The following DPY19L2 variants were observed in gnomAD, a reference collection of about 807,000 sequenced individuals.
DPY19L2 encodes the protein dpy-19 like 2.
In DPY19L2, 34 loss-of-function variants were observed where a neutral mutation model predicts 97.9. The ratio of observed to expected loss-of-function variants is 0.35; its 90% CI spans 0.26 to 0.46. The LOEUF (loss-of-function observed/expected upper bound fraction) is 0.46. Among genes scored for constraint, DPY19L2 ranks in the 20% least tolerant of loss-of-function variants. DPY19L2 has a pLI of 1.00. For synonymous variants in DPY19L2, 230 were observed against 307.9 expected (o/e 0.75, Z 2.65); for missense variants, 623 against 911.4 (o/e 0.68, Z 4.07).
At chr12:63,656,549 T>C (rs1422881408) in intron 4 of DPY19L2, among the ~76,000 whole-genome samples, 2 of 152,222 alleles carry the variant, frequency 1.3e-5, no homozygotes, top group African/African-American at 2.4e-5. Flanking sequence ...TTTATCCTTT[T>C]TGATGTTCTC....
intron 11 of DPY19L2, among the ~76,000 whole-genome samples, chr12:63,613,649 A>G (rs1256768854): frequency 2.0e-5 from 3 of 152,126 alleles, no homozygotes; most frequent in African/African-American, 2.4e-5. Flanking sequence ...GCTGACAGAA[A>G]TCAAATAATT....
chr12:63,647,647 T>G (rs1375027332), intron 4 of DPY19L2, among the ~76,000 whole-genome samples: 2 of 152,146 alleles, frequency 1.3e-5, no homozygotes, highest in East Asian at 3.8e-4. Context: ...TGAGCTGATT[T>G]AAAAGTTATT....
At chr12:63,575,037 T>TCAAGGATAGACCACAAAA (rs1413632774) in intron 19 of DPY19L2, among the ~76,000 whole-genome samples, 1 of 151,912 alleles carries the variant, frequency 6.6e-6, no homozygotes, top group African/African-American at 2.4e-5. Context: ...GGATCATTCC[T>TCAAGGATAGACCACAAAA]CAAGGATAGA....
At chr12:63,597,763 G>A (rs775006841) in intron 14 of DPY19L2, 46 bp downstream of exon 14, 19 of 1,537,530 alleles carry the variant, frequency 1.2e-5, no homozygotes, top group Admixed American at 1.9e-5. Flanking sequence ...AAAACCTAGA[G>A]CAAAAAACTC....
chr12:63,562,429 T>C (rs1876741659), intron 21 of DPY19L2, among the ~76,000 whole-genome samples: 1 of 145,676 alleles, frequency 6.9e-6, no homozygotes, highest in African/African-American at 2.8e-5. Flanking sequence ...CATCTGCTGA[T>C]AAATAAGTGG....
At chr12:63,614,148 C>T (rs1351116840) in intron 11 of DPY19L2, among the ~76,000 whole-genome samples, 1 of 148,290 alleles carries the variant, frequency 6.7e-6, no homozygotes, top group Non-Finnish European at 1.5e-5. Context: ...CAAGACTGCA[C>T]CATTGCACTC....
rs1250136338 is a variant in DPY19L2, at chr12:63,582,535, A to G, written c.1606-10T>C. 1 of 1,602,034 alleles carries G rather than the reference A, an allele frequency of 6.2e-7. No individual in the cohort carries two copies. The highest frequency in any genetic ancestry group is 8.5e-7 in the Non-Finnish European group (1 of 1,176,256). On this transcript the variant is annotated splice_polypyrimidine_tract_variant and intron_variant, in intron 17 of 21. Transcript: ENST00000324472. ...ATGTGTGAAAAGCCAGCTATAAAACACAAATAAGACAAAATCACATTTTTA... is the reference window on the plus strand; with the variant it reads ...ATGTGTGAAAAGCCAGCTATAAAACGCAAATAAGACAAAATCACATTTTTA...
At chr12:63,580,538 C>T in intron 19 of DPY19L2, 124 bp downstream of exon 19, 3 of 1,009,712 alleles carry the variant, frequency 3.0e-6, no homozygotes, top group Non-Finnish European at 4.1e-6. Context: ...GTATGAATGC[C>T]TATTTGTAAA....
intron 6 of DPY19L2, among the ~76,000 whole-genome samples, chr12:63,635,963 A>G (rs1376674465): frequency 1.3e-5 from 2 of 152,148 alleles, no homozygotes; most frequent in African/African-American, 2.4e-5. Flanking sequence ...AGCAACCCCA[A>G]GACACATAAT....
At chr12:63,573,174 C>T (rs1286368523) in intron 19 of DPY19L2, among the ~76,000 whole-genome samples, 2 of 151,898 alleles carry the variant, frequency 1.3e-5, no homozygotes, top group Non-Finnish European at 2.9e-5. Flanking sequence ...TCAAAATAGC[C>T]GTGCTGAGGA....
Position 63,606,065 on chromosome 12 carries a change from T to A in DPY19L2, c.1278+2551A>T, listed in dbSNP as rs1403741037. 1.1e-4 allele frequency among the ~76,000 whole-genome samples: 16 copies of A among 152,252 alleles called. No homozygotes were observed. In the South Asian group the frequency reaches 3.1e-3, roughly 30 times the overall value. On this transcript the variant is annotated intron_variant, in intron 12 of 21. Transcript: ENST00000324472. Reference sequence around the variant, plus strand: ...TCTTCCTAATACATAAGGCATATTTTAAAAAAATATGTTTTCTGTTTGTTG... The same window carrying A: ...TCTTCCTAATACATAAGGCATATTTAAAAAAAATATGTTTTCTGTTTGTTG...
chr12:63,616,439 C>T (rs949577396), intron 11 of DPY19L2, among the ~76,000 whole-genome samples: 2 of 152,188 alleles, frequency 1.3e-5, no homozygotes, highest in Admixed American at 6.5e-5. Flanking sequence ...AATGTTAAAA[C>T]ATAAGGGCAA....
chr12:63,654,322 T>G (rs1894671909), intron 4 of DPY19L2, among the ~76,000 whole-genome samples: 3 of 152,148 alleles, frequency 2.0e-5, no homozygotes, highest in African/African-American at 2.4e-5. Context: ...AAAAGCTTTG[T>G]AAAGTGATAT....
In DPY19L2 at chr12:63,668,312, C is replaced by T. The variant is rs1401595687; in HGVS notation, c.82G>A (p.Ala28Thr). ...QSKGRRGASL[A>T]REPEVEEEME... The stretch of plus-strand genomic sequence containing the variant: ...TCCTCCTCTACCTCCGGCTCCCGGG[C>T]GAGGGAGGCCCCGCGCCGCCCCTTA... Residue 28 changes from alanine to threonine, a missense_variant, in exon 1 of 22, where the codon GCC (alanine) becomes ACC (threonine). Physicochemically the swap from Ala to Thr is moderately conservative, Grantham distance 58. Transcript: ENST00000324472. 1 of 1,613,790 alleles carries T rather than the reference C, an allele frequency of 6.2e-7. No individual in the cohort carries two copies. The highest frequency in any genetic ancestry group is 8.5e-7 in the Non-Finnish European group (1 of 1,179,910).
intron 3 of DPY19L2, among the ~76,000 whole-genome samples, chr12:63,662,204 A>T (rs1232577209): frequency 3.3e-5 from 5 of 152,164 alleles, no homozygotes; most frequent in Non-Finnish European, 7.4e-5. Context: ...TCCCCAACAC[A>T]ATTTCTTGCT....
chr12:63,591,978 GGGGAA>G (rs1170977304), intron 16 of DPY19L2, among the ~76,000 whole-genome samples: 1 of 69,942 alleles, frequency 1.4e-5, no homozygotes, highest in South Asian at 6.4e-4. Flanking sequence ...AAAGAAAAGA[GGGGAA>G]GGGAAGGGAA....
chr12:63,593,799 T>TA lies in DPY19L2; in HGVS notation c.1580+287dup, dbSNP rs58893287. ...AAAACTTAAAGTATAATAATAAAAA[T>TA]AAAAAAAAATAAATCTTTAGCTTAC... On this transcript the variant is annotated intron_variant, in intron 16 of 21. Coordinates refer to ENST00000324472, the MANE Select transcript of DPY19L2 (RefSeq NM_173812.5). 2.7e-3 allele frequency among the ~76,000 whole-genome samples: 403 copies of TA among 151,372 alleles called. 5 individuals carry two copies. Among genetic ancestry groups the TA allele is most frequent in the South Asian group, 0.012 (57 of 4,782 alleles).
At chr12:63,658,247 C>A in intron 4 of DPY19L2, among the ~76,000 whole-genome samples, 1 of 152,152 alleles carries the variant, frequency 6.6e-6, no homozygotes, top group Non-Finnish European at 1.5e-5. Context: ...GTAATCCCAG[C>A]ACTTTGGGAG....
chr12:63,636,028 G>A (rs1197423257), intron 6 of DPY19L2, among the ~76,000 whole-genome samples: 4 of 152,260 alleles, frequency 2.6e-5, no homozygotes, highest in African/African-American at 9.6e-5. Context: ...CAGCCAGAGA[G>A]AAAGGTTGGG....
Sources: allele counts gnomAD v4.1 joint callset (sites outside exome capture counted in the v4.1 genomes callset), GRCh38; gene constraint gnomAD v4.1.1; transcripts MANE v1.5; gene names NCBI Gene and HGNC (gene_info 2026-07-23, HGNC 2026-07-21).